PCDH15: variants seen among roughly 807,000 people sequenced by gnomAD.
PCDH15 encodes the protein protocadherin-15.
Under a neutral mutation model 178.5 loss-of-function variants are expected in PCDH15, and 129 were observed. That is an observed-to-expected ratio of 0.72 (90% confidence interval 0.63 to 0.84). The LOEUF is 0.84. PCDH15 is among the 40% of genes least tolerant of loss of function. The pLI, the probability that PCDH15 is intolerant of heterozygous loss-of-function variation, is 0.00. For missense variants in PCDH15, 2,230 were observed against 2,099.9 expected, an observed-to-expected ratio of 1.06 and a Z score of -1.21; for synonymous variants, 800 against 732.0, an observed-to-expected ratio of 1.09 and a Z score of -1.50.
chr10:55,462,961 A>C (rs1240926840), intron 2 of PCDH15, among the ~76,000 whole-genome samples: 2 of 152,048 alleles, frequency 1.3e-5, no homozygotes, highest in African/African-American at 4.8e-5. Flanking sequence ...TAAATGTTTT[A>C]TGTATTATGT....
In PCDH15 at chr10:54,390,088, A is replaced by C. The variant is rs1950366442; in HGVS notation, c.158-11146T>G. 2.0e-5 allele frequency among the ~76,000 whole-genome samples: 3 copies of C among 152,366 alleles called. No individual in the cohort carries two copies. In the South Asian group the frequency reaches 6.2e-4, roughly 32 times the overall value. ...TATTGAGACTTGGTTTCAGTTAGCC[A>C]ATCTAGCAGACTATTAACGCCACTT... is the stretch of plus-strand genomic sequence containing the variant. On this transcript the variant is annotated intron_variant, in intron 3 of 37. Transcript: ENST00000644397.
At chr10:54,783,461 CAAAGT>C (rs1199097060) in intron 1 of PCDH15, among the ~76,000 whole-genome samples, 3 of 151,868 alleles carry the variant, frequency 2.0e-5, no homozygotes, top group Non-Finnish European at 2.9e-5. Flanking sequence ...AAAAAGAAAG[CAAAGT>C]AAACATAGTA....
chr10:55,455,993 A>G (rs189880121), intron 2 of PCDH15, among the ~76,000 whole-genome samples: 3 of 152,138 alleles, frequency 2.0e-5, no homozygotes, highest in Non-Finnish European at 4.4e-5. Context: ...ATCTTGATTT[A>G]GTATTATAAC....
chr10:54,494,241 T>G (rs2137211959), intron 3 of PCDH15, among the ~76,000 whole-genome samples: 1 of 151,184 alleles, frequency 6.6e-6, no homozygotes, highest in South Asian at 2.1e-4. Flanking sequence ...AATAAAATAA[T>G]AATAATAAAA....
chr10:54,599,726 G>T, intron 2 of PCDH15: 1 of 466,466 alleles, frequency 2.1e-6, no homozygotes, highest in Non-Finnish European at 4.1e-6. Flanking sequence ...AAGAAAGAAG[G>T]GGAAAAGGAA....
chr10:54,678,965 C>T (rs140712786), intron 1 of PCDH15, among the ~76,000 whole-genome samples: 2,460 of 151,818 alleles, frequency 0.016, 38 homozygotes, highest in South Asian at 0.048. Context: ...CCGAGGCGGG[C>T]GGATCACGAG....
chr10:54,198,339 T>C (rs2049880094), intron 10 of PCDH15, among the ~76,000 whole-genome samples: 1 of 152,010 alleles, frequency 6.6e-6, no homozygotes, highest in Non-Finnish European at 1.5e-5. Context: ...AATTGGTCCA[T>C]ATGGGCTTCC....
At chr10:54,099,495 T>A (rs1368815320) in intron 15 of PCDH15, among the ~76,000 whole-genome samples, 4 of 4,104 alleles carry the variant, frequency 9.7e-4, no homozygotes, top group Admixed American at 7.1e-3. Context: ...CGAGACTCCA[T>A]CTCAAAAAAA....
At chr10:54,096,111 A>G (rs1277408405) in intron 15 of PCDH15, among the ~76,000 whole-genome samples, 1 of 152,116 alleles carries the variant, frequency 6.6e-6, no homozygotes, top group Non-Finnish European at 1.5e-5. Flanking sequence ...CAAAGTTTAC[A>G]AACTATAGAA....
chr10:54,309,655 G>A (rs901977276), intron 8 of PCDH15, among the ~76,000 whole-genome samples: 7 of 151,956 alleles, frequency 4.6e-5, no homozygotes, highest in African/African-American at 1.4e-4. Flanking sequence ...AATTAGCCGG[G>A]TGTGGTGGCA....
intron 2 of PCDH15, among the ~76,000 whole-genome samples, chr10:54,587,166 T>C (rs1054706335): frequency 6.6e-6 from 1 of 152,218 alleles, no homozygotes; most frequent in African/African-American, 2.4e-5. Flanking sequence ...TCTTTTTAAA[T>C]GTCTGTCAGT....
chr10:54,093,688 T>G (rs1367918137), intron 15 of PCDH15, among the ~76,000 whole-genome samples: 1 of 152,182 alleles, frequency 6.6e-6, no homozygotes, highest in African/African-American at 2.4e-5. Flanking sequence ...TATTAAAATT[T>G]TGCATGTCTT....
At chr10:54,754,949 T>TCC (rs1566138628) in intron 1 of PCDH15, among the ~76,000 whole-genome samples, 8 of 91,346 alleles carry the variant, frequency 8.8e-5, no homozygotes, top group African/African-American at 3.1e-4. Flanking sequence ...TTTCTTTTTT[T>TCC]TTTTTTTTTT....
At chr10:54,005,280 G>A (rs2092345138) in intron 20 of PCDH15, among the ~76,000 whole-genome samples, 1 of 152,146 alleles carries the variant, frequency 6.6e-6, no homozygotes, top group South Asian at 2.1e-4. Flanking sequence ...TACCTCACAA[G>A]CACAGGCAAC....
intron 2 of PCDH15, among the ~76,000 whole-genome samples, chr10:55,626,723 G>A (rs1162437074): frequency 1.3e-5 from 2 of 152,046 alleles, no homozygotes; most frequent in African/African-American, 4.8e-5. Flanking sequence ...TAAGAGTTGG[G>A]AACAATTAAA....
intron 3 of PCDH15, among the ~76,000 whole-genome samples, chr10:54,851,089 A>C (rs1438487826): frequency 6.6e-6 from 1 of 152,182 alleles, no homozygotes; most frequent in African/African-American, 2.4e-5. Context: ...GAGCTTTTTC[A>C]ATATTTGGAA....
chr10:54,339,844 T>C (rs141700565), intron 6 of PCDH15, among the ~76,000 whole-genome samples: 1 of 152,168 alleles, frequency 6.6e-6, no homozygotes, highest in Non-Finnish European at 1.5e-5. Context: ...GCAACAATCG[T>C]ATTAGCGTGT....
chr10:54,468,287 G>A (rs2077663483), intron 3 of PCDH15, among the ~76,000 whole-genome samples: 1 of 151,386 alleles, frequency 6.6e-6, no homozygotes, highest in South Asian at 2.1e-4. Context: ...TTTAATGTAG[G>A]CGTTTATTGC....
intron 2 of PCDH15, among the ~76,000 whole-genome samples, chr10:54,936,262 T>G (rs1837904952): frequency 6.6e-6 from 1 of 152,096 alleles, no homozygotes; most frequent in Non-Finnish European, 1.5e-5. Flanking sequence ...ATATACTACA[T>G]TATATATGTC....
Sources: gnomAD v4.1 joint callset for allele counts (sites outside exome capture counted in the v4.1 genomes callset) on GRCh38, gnomAD v4.1.1 for gene constraint, MANE v1.5 for transcripts, NCBI Gene and HGNC (gene_info 2026-07-23, HGNC 2026-07-21) for gene names.